SLCO1B1: variants seen among roughly 807,000 people sequenced by gnomAD.
SLCO1B1 encodes the protein OATP-2.
A neutral mutation model predicts 70.1 loss-of-function variants in SLCO1B1; 81 were observed. The ratio of observed to expected loss-of-function variants is 1.16; its 90% CI spans 0.97 to 1.39. SLCO1B1 has a LOEUF of 1.39. Ranked by LOEUF, SLCO1B1 falls within the 40% of genes most tolerant of loss-of-function variation. SLCO1B1 has a pLI of 0.00. For synonymous variants in SLCO1B1, 283 were observed against 271.5 expected (o/e 1.04, Z -0.42); for missense variants, 895 against 799.6 (o/e 1.12, Z -1.44).
chr12:21,168,348 T>C lies in SLCO1B1; in HGVS notation c.85-4302T>C, dbSNP rs529329325. ...TCTACATCTTGGCCGTTGTTAATAA[T>C]GCTGCATGAATATGCATGTACAAAT... On this transcript the variant is annotated intron_variant, in intron 2 of 14. Transcript: ENST00000256958. 2.6e-5 allele frequency among the ~76,000 whole-genome samples: 4 copies of C among 152,350 alleles called. No individual in the cohort carries two copies. The South Asian group carries it at 8.3e-4, about 32-fold the overall frequency.
At chr12:21,213,271 A>G (rs2121171193) in intron 11 of SLCO1B1, among the ~76,000 whole-genome samples, 1 of 152,112 alleles carries the variant, frequency 6.6e-6, no homozygotes, top group East Asian at 1.9e-4. Flanking sequence ...TGGTGACAGA[A>G]TCTCTCAGCA....
rs113282120 is a variant in SLCO1B1 at position 21,138,309 on chromosome 12, G to A, written c.-61-3205G>A. Among the ~76,000 whole-genome samples the A allele has an allele frequency of 6.2e-3, 938 of 152,264 alleles. 7 individuals are homozygous for A. Among genetic ancestry groups the A allele is most frequent in the Middle Eastern group, 0.014 (4 of 294 alleles). Reference sequence around the variant, plus strand: ...CACCCCACTCCTATCAAATTTGGAAGAACTGACCTCTTCCGGGAAGAATTG... The same window carrying A: ...CACCCCACTCCTATCAAATTTGGAAAAACTGACCTCTTCCGGGAAGAATTG... On this transcript the variant is annotated intron_variant, in intron 1 of 14. Transcript: ENST00000256958.
intron 1 of SLCO1B1, among the ~76,000 whole-genome samples, chr12:21,135,251 C>A (rs951321723): frequency 6.6e-6 from 1 of 152,120 alleles, no homozygotes; most frequent in Admixed American, 6.5e-5. Flanking sequence ...GCTTTACTTC[C>A]AACTATGTGG....
Position 21,141,507 on chromosome 12 carries a change from T to C in SLCO1B1, c.-61-7T>C. The C allele has an allele frequency of 1.1e-6, 1 of 907,212 alleles. No homozygotes were observed. The highest frequency in any genetic ancestry group is 1.8e-6 in the Non-Finnish European group (1 of 544,836). 56.2% of individuals were successfully genotyped at this position (907,212 alleles called of 1,614,324 possible). ...TAAAATAAACTATACTTTTTCTTCC[T>C]TAATAGGTGATTGTTTCAAACTGAG... On this transcript the variant is annotated splice_polypyrimidine_tract_variant and splice_region_variant and intron_variant, in intron 1 of 14. Coordinates refer to ENST00000256958, the MANE Select transcript of SLCO1B1 (RefSeq NM_006446.5).
At chr12:21,178,752 A>T (rs1940854156) in intron 6 of SLCO1B1, 30 bp downstream of exon 6, 1 of 1,573,668 alleles carries the variant, frequency 6.4e-7, no homozygotes. Context: ...AAATTGTATG[A>T]TCACTTTCCC....
Position 21,217,123 on chromosome 12 carries a change from T to C in SLCO1B1, c.1502T>C (p.Phe501Ser), listed in dbSNP as rs749039602. Residue 501 changes from phenylalanine (F) to serine (S), a missense_variant, in exon 12 of 15, where the codon TTT (phenylalanine) becomes TCT (serine). Phe to Ser is a radical substitution (Grantham distance 155). Transcript: ENST00000256958. ...SSSGNKKPIV[F>S]YNCSCLEVTG... is the part of the protein sequence containing the mutation. ...ATTTTATACACAACGCTTAAGGTGT[T>C]TTACAACTGCAGTTGTTTGGAAGTA... 2.2e-5 allele frequency: 36 copies of C among 1,612,512 alleles called. 1 individual carries two copies. Among genetic ancestry groups the C allele is most frequent in the Admixed American group, 3.3e-5 (2 of 59,976 alleles).
chr12:21,232,036 A>G (rs1368280326), intron 14 of SLCO1B1, among the ~76,000 whole-genome samples: 1 of 152,176 alleles, frequency 6.6e-6, no homozygotes, highest in African/African-American at 2.4e-5. Flanking sequence ...AGTTTTTACA[A>G]GATCTAGAAT....
intron 7 of SLCO1B1, among the ~76,000 whole-genome samples, chr12:21,187,148 G>A (rs947657457): frequency 6.6e-6 from 1 of 152,062 alleles, no homozygotes; most frequent in African/African-American, 2.4e-5. Flanking sequence ...AGAGAAGTGA[G>A]CACCAGGATT....
Position 21,239,016 on chromosome 12 carries a change from T to A in SLCO1B1, c.1903T>A (p.Ser635Thr), listed in dbSNP as rs1941621287. The A allele has an allele frequency of 2.5e-6, 4 of 1,586,242 alleles. No individual in the cohort carries two copies. The highest frequency in any genetic ancestry group is 3.5e-6 in the Non-Finnish European group (4 of 1,157,474). ...GGGCTTGTCTTCAATGTTAAGAGTCTCATCACTTGTTTTATATATTATATT... is the reference window on the plus strand; with the variant it reads ...GGGCTTGTCTTCAATGTTAAGAGTCACATCACTTGTTTTATATATTATATT... Reference protein sequence around the residue: ...YLGLSSMLRVSSLVLYIILIY... With the variant: ...YLGLSSMLRVTSLVLYIILIY... Residue 635 changes from serine to threonine, a missense_variant, in exon 15 of 15, where the codon TCA (serine) becomes ACA (threonine). Coordinates refer to ENST00000256958, the MANE Select transcript of SLCO1B1 (RefSeq NM_006446.5).
intron 7 of SLCO1B1, among the ~76,000 whole-genome samples, chr12:21,195,006 T>C (rs1324183894): frequency 6.6e-6 from 1 of 152,136 alleles, no homozygotes; most frequent in Non-Finnish European, 1.5e-5. Context: ...CATACACTAT[T>C]GCAAGGACAG....
rs561785538 is a variant in SLCO1B1 at position 21,181,337 on chromosome 12, GAA to G, written c.727+2324_727+2325del. 2.0e-5 allele frequency among the ~76,000 whole-genome samples: 3 copies of G among 151,706 alleles called. No homozygotes were observed. The South Asian group carries it at 6.2e-4, about 32-fold the overall frequency. Reference sequence around the variant, plus strand: ...CTATGTGTAGAACAGTGAAAGAACAGAAAAAAAAGTCATCAAAATTACATTTG... The same window carrying G: ...CTATGTGTAGAACAGTGAAAGAACAGAAAAAAGTCATCAAAATTACATTTG... On this transcript the variant is annotated intron_variant, in intron 7 of 14. Coordinates refer to ENST00000256958, the MANE Select transcript of SLCO1B1 (RefSeq NM_006446.5).
chr12:21,134,201 T>C (rs1218632256), intron 1 of SLCO1B1, among the ~76,000 whole-genome samples: 2 of 152,220 alleles, frequency 1.3e-5, no homozygotes, highest in Non-Finnish European at 2.9e-5. Context: ...TCATGTTGGA[T>C]AAGCTTTTTG....
At chr12:21,224,988 G>C in intron 14 of SLCO1B1, 149 bp downstream of exon 14, 1 of 504,320 alleles carries the variant, frequency 2.0e-6, no homozygotes, top group Non-Finnish European at 3.4e-6. Flanking sequence ...AAGCAATCTC[G>C]TATCTCATTT....
At chr12:21,152,704 G>A (rs143430404) in intron 2 of SLCO1B1, among the ~76,000 whole-genome samples, 2 of 151,612 alleles carry the variant, frequency 1.3e-5, no homozygotes, top group African/African-American at 4.8e-5. Context: ...CTTTCCCTTC[G>A]GTCAGTTAGG....
Position 21,217,184 on chromosome 12 carries a change from G to A in SLCO1B1, c.1563G>A (p.Leu521=). ...AGAACAGAAATTACTCAGCCCATTT[G>A]GGTGAATGCCCAAGAGATGATGCTT... ...GLQNRNYSAH[L]GECPRDDACT... Residue 521 remains leucine (L), a synonymous_variant, in exon 12 of 15, where the codon TTG becomes TTA. Coordinates refer to ENST00000256958, the MANE Select transcript of SLCO1B1 (RefSeq NM_006446.5). The A allele has an allele frequency of 6.2e-7, 1 of 1,613,676 alleles. No individual in the cohort carries two copies. The highest frequency in any genetic ancestry group is 1.1e-5 in the South Asian group (1 of 91,068).
Position 21,222,129 on chromosome 12 carries a change from G to C in SLCO1B1, c.1683-171G>C, listed in dbSNP as rs11045874. Among the ~76,000 whole-genome samples, 22,340 of 151,318 alleles carry C rather than the reference G, an allele frequency of 0.15. 1,855 individuals are homozygous for C. The highest frequency in any genetic ancestry group is 0.18 in the Non-Finnish European group (12,411 of 67,734). On this transcript the variant is annotated intron_variant, in intron 12 of 14. Transcript: ENST00000256958. ...AAATAAGGGAATAATTATTATTATT[G>C]CTCAAGTGTTTGCCTTTTAAAACAA...
intron 7 of SLCO1B1, among the ~76,000 whole-genome samples, chr12:21,195,511 G>A (rs548801772): frequency 4.6e-5 from 7 of 152,068 alleles, no homozygotes; most frequent in African/African-American, 1.2e-4. Context: ...GTGCTCATGT[G>A]CTAATTTAAG....
At position 21,151,777 on chromosome 12, in the gene SLCO1B1, TG is replaced by T. The variant is rs147980625; in HGVS notation, c.84+10123del. 4.2e-3 allele frequency among the ~76,000 whole-genome samples: 638 copies of T among 152,236 alleles called. 8 individuals are homozygous for T. Among genetic ancestry groups the T allele is most frequent in the African/African-American group, 0.015 (611 of 41,558 alleles). ...GTTAGATGGATAAATACACAGGGTA[TG>T]GGGAAGGTATTTTTTCCTCTGTATT... On this transcript the variant is annotated intron_variant, in intron 2 of 14. Coordinates refer to ENST00000256958, the MANE Select transcript of SLCO1B1 (RefSeq NM_006446.5).
At chr12:21,164,913 T>C (rs1331955247) in intron 2 of SLCO1B1, 1 of 439,722 alleles carries the variant, frequency 2.3e-6, no homozygotes, top group Non-Finnish European at 4.5e-6. Flanking sequence ...ATTGGTTTAT[T>C]GCTGCTGAAG....
Sources: allele counts gnomAD v4.1 joint callset (sites outside exome capture counted in the v4.1 genomes callset), GRCh38; gene constraint gnomAD v4.1.1; transcripts MANE v1.5; gene names NCBI Gene and HGNC (gene_info 2026-07-23, HGNC 2026-07-21).